Variants in STARD13 observed in about 807,000 individuals in gnomAD.
STARD13 encodes stAR-related lipid transfer protein 13.
In STARD13, 62 loss-of-function variants were observed where a neutral mutation model predicts 106.4. That is an observed-to-expected ratio of 0.58 (90% confidence interval 0.48 to 0.72). The LOEUF (loss-of-function observed/expected upper bound fraction) is 0.72. STARD13 is among the 30% of genes least tolerant of loss of function. STARD13 has a pLI of 0.00. For missense variants in STARD13, 1,387 were observed against 1,424.0 expected, an observed-to-expected ratio of 0.97 and a Z score of 0.42; for synonymous variants, 565 against 553.0, an observed-to-expected ratio of 1.02 and a Z score of -0.31.
upstream of STARD13, among the ~76,000 whole-genome samples, chr13:33,288,610 T>G (rs868079895): frequency 3.3e-5 from 5 of 151,114 alleles, no homozygotes; most frequent in South Asian, 4.2e-4. Context: ...GAATTTTTAT[T>G]CCCTAATTAA....
At chr13:33,599,580 A>G in the STARD13 span, among the ~76,000 whole-genome samples, 1 of 152,242 alleles carries the variant, frequency 6.6e-6, no homozygotes, top group Non-Finnish European at 1.5e-5. Context: ...ATGAGCCTAA[A>G]TTACCGTGCC....
the STARD13 span, among the ~76,000 whole-genome samples, chr13:33,459,209 C>A: frequency 6.6e-6 from 1 of 152,128 alleles, no homozygotes; most frequent in African/African-American, 2.4e-5. Context: ...TCTCTTCCCT[C>A]CAAAAGTTTC....
chr13:33,305,323 G>C (rs1892865048), intron 1 of STARD13, among the ~76,000 whole-genome samples: 1 of 152,226 alleles, frequency 6.6e-6, no homozygotes, highest in South Asian at 2.1e-4. Flanking sequence ...GATCCAGAAT[G>C]AGTTAAGCAG....
intron 1 of STARD13, among the ~76,000 whole-genome samples, chr13:33,204,332 T>C (rs2764626): frequency 0.29 from 43,433 of 152,042 alleles, 6,430 homozygotes; most frequent in Middle Eastern, 0.37. Flanking sequence ...GACGCACATC[T>C]CTCAATGACT....
chr13:33,663,841 C>A, the STARD13 span, among the ~76,000 whole-genome samples: 3 of 152,172 alleles, frequency 2.0e-5, no homozygotes, highest in African/African-American at 4.8e-5. Flanking sequence ...AAACAAGAAA[C>A]CCCGGGTTCC....
rs749750846 is a variant in STARD13, at chr13:33,105,613, C to A, written c.3322G>T (p.Gly1108Cys). The A allele has an allele frequency of 1.9e-6, 3 of 1,613,646 alleles. No individual in the cohort carries two copies. The East Asian group carries it at 6.7e-5, about 36-fold the overall frequency. ...AAAACTCAGATTTTAGTTTCTGGGC[C>A]CTCAGCAATGAGGGGCTGGAAAGAG... ...RNSFQPLIAE[G>C]PETKI Residue 1108 changes from glycine to cysteine, a missense_variant, in exon 14 of 14, where the codon GGC (glycine) becomes TGC (cysteine). By Grantham distance (159) the Gly-to-Cys change is radical (BLOSUM62 -3). Coordinates refer to ENST00000336934, the MANE Select transcript of STARD13 (RefSeq NM_178006.4).
At chr13:33,443,259 T>C in the STARD13 span, among the ~76,000 whole-genome samples, 5 of 151,540 alleles carry the variant, frequency 3.3e-5, no homozygotes, top group African/African-American at 1.2e-4. Context: ...TGCCTGTAGT[T>C]CCAGCTACTC....
At chr13:33,278,283 G>A (rs1402065398) in intron 1 of STARD13, 2 of 152,188 alleles carry the variant, frequency 1.3e-5, no homozygotes, top group Non-Finnish European at 2.9e-5. Context: ...CCACAGAAAT[G>A]TTTTCTCCCT....
At chr13:33,278,307 A>G (rs900513616) in intron 1 of STARD13, 1 of 152,182 alleles carries the variant, frequency 6.6e-6, no homozygotes, top group African/African-American at 2.4e-5. Context: ...ATATCTGTCT[A>G]ATGGGCCTAG....
At chr13:33,434,840 A>G in the STARD13 span, among the ~76,000 whole-genome samples, 7 of 151,918 alleles carry the variant, frequency 4.6e-5, no homozygotes, top group Non-Finnish European at 7.4e-5. Flanking sequence ...ATAGTGAACA[A>G]GACATGGACT....
intron 1 of STARD13, among the ~76,000 whole-genome samples, chr13:33,292,031 C>T (rs553756183): frequency 6.6e-6 from 1 of 152,174 alleles, no homozygotes; most frequent in Non-Finnish European, 1.5e-5. Context: ...GCTAACAACC[C>T]CTACCCCAAT....
intron 3 of STARD13, chr13:33,158,867 G>T (rs1882295989): frequency 6.6e-6 from 1 of 152,260 alleles, no homozygotes; most frequent in Non-Finnish European, 1.5e-5. Flanking sequence ...TTGTAGCCAA[G>T]CCACCTCCAT....
chr13:33,399,336 G>T, the STARD13 span, among the ~76,000 whole-genome samples: 1 of 152,034 alleles, frequency 6.6e-6, no homozygotes, highest in Non-Finnish European at 1.5e-5. Context: ...GGGTGTAGGG[G>T]AAATCAGGGA....
chr13:33,315,548 A>G (rs1331192053), intron 1 of STARD13, among the ~76,000 whole-genome samples: 1 of 152,212 alleles, frequency 6.6e-6, no homozygotes, highest in Non-Finnish European at 1.5e-5. Context: ...CAGCAATGGT[A>G]AATAGAAACT....
chr13:33,631,075 C>T, the STARD13 span, among the ~76,000 whole-genome samples: 8 of 152,222 alleles, frequency 5.3e-5, no homozygotes, highest in African/African-American at 1.9e-4. Flanking sequence ...CATTATATAC[C>T]GGTGGAAATA....
At chr13:33,412,718 T>A in the STARD13 span, among the ~76,000 whole-genome samples, 1 of 152,094 alleles carries the variant, frequency 6.6e-6, no homozygotes, top group African/African-American at 2.4e-5. Context: ...ACGAGAGTCA[T>A]AGAGGGACAC....
At chr13:33,172,619 G>T (rs1048158469) in intron 1 of STARD13, among the ~76,000 whole-genome samples, 42 of 152,136 alleles carry the variant, frequency 2.8e-4, no homozygotes, top group Non-Finnish European at 5.1e-4. Flanking sequence ...TAGCATGCTT[G>T]GGAACAGTGT....
At chr13:33,311,264 T>C (rs1355996161) in intron 1 of STARD13, among the ~76,000 whole-genome samples, 1 of 151,966 alleles carries the variant, frequency 6.6e-6, no homozygotes, top group African/African-American at 2.4e-5. Context: ...ACCACTGCAC[T>C]CCAGCCTGGG....
At chr13:33,357,535 G>T in the STARD13 span, among the ~76,000 whole-genome samples, 1 of 152,144 alleles carries the variant, frequency 6.6e-6, no homozygotes, top group Non-Finnish European at 1.5e-5. Context: ...AACATAACAA[G>T]CACATGAGGT....
Sources: allele counts gnomAD v4.1 joint callset (sites outside exome capture counted in the v4.1 genomes callset), GRCh38; gene constraint gnomAD v4.1.1; transcripts MANE v1.5; gene names NCBI Gene and HGNC (gene_info 2026-07-23, HGNC 2026-07-21).